SYNE2: variants seen among roughly 807,000 people sequenced by gnomAD.
SYNE2 encodes the protein nesprin-2.
SYNE2 carries 431 observed loss-of-function variants against 856.3 expected under a neutral mutation model. That is an observed-to-expected ratio of 0.50 (90% CI 0.47 to 0.55). The LOEUF (loss-of-function observed/expected upper bound fraction) is 0.55. SYNE2 is among the 20% of genes least tolerant of loss of function. The pLI is 0.00. For missense variants in SYNE2, 8,129 were observed against 8,023.2 expected, an observed-to-expected ratio of 1.01 and a Z score of -0.50; for synonymous variants, 2,923 against 2,872.3, an observed-to-expected ratio of 1.02 and a Z score of -0.56.
intron 46 of SYNE2, 62 bp from the exon 47 acceptor site, chr14:64,049,549 T>A: frequency 1.3e-6 from 2 of 1,557,808 alleles, no homozygotes; most frequent in Non-Finnish European, 8.8e-7. Context: ...GGAAAGAAGA[T>A]GAATGAATTA....
intron 96 of SYNE2, among the ~76,000 whole-genome samples, chr14:64,177,925 T>C (rs1422384342): frequency 1.3e-5 from 2 of 152,238 alleles, no homozygotes; most frequent in Non-Finnish European, 2.9e-5. Context: ...ATCCAAACTA[T>C]ATATTCTTCC....
intron 96 of SYNE2, among the ~76,000 whole-genome samples, chr14:64,183,503 C>G (rs2098472063): frequency 1.3e-5 from 2 of 152,272 alleles, no homozygotes; most frequent in East Asian, 1.9e-4. Flanking sequence ...TCCTCACTTC[C>G]CAGACAGGGT....
At chr14:64,076,410 T>C (rs1325186433) in intron 54 of SYNE2, among the ~76,000 whole-genome samples, 1 of 152,188 alleles carries the variant, frequency 6.6e-6, no homozygotes, top group Non-Finnish European at 1.5e-5. Flanking sequence ...GTACAACCAC[T>C]TGAACATTTT....
intron 70 of SYNE2, 37 bp from the exon 71 acceptor site, chr14:64,125,042 A>G (rs1206286358): frequency 6.2e-7 from 1 of 1,613,550 alleles, no homozygotes; most frequent in Admixed American, 1.7e-5. Flanking sequence ...AGCAGGGTCT[A>G]AAACTGTCAG....
In SYNE2 at chr14:64,186,478, A is replaced by G. The variant is rs1340411119; in HGVS notation, c.17611A>G (p.Met5871Val). The change falls in exon 97 of 116, where the codon ATG becomes GTG. Residue 5871 changes from methionine to valine, a missense_variant. By Grantham distance (21) the Met-to-Val change is conservative. Around this residue, in one of 3 missense-constraint regions of SYNE2, gnomAD observed 5,410 missense variants for 5,284.8 expected, o/e 1.02. Transcript: ENST00000555002. Reference sequence around the variant, plus strand: ...TCAGAACTTGAAAGAACTTCAAACTATGAAGGCGGACTTAACCCGGCACGT... The same window carrying G: ...TCAGAACTTGAAAGAACTTCAAACTGTGAAGGCGGACTTAACCCGGCACGT... ...WTQNLKELQTMKADLTRHVLV... is the reference protein window; with the variant it reads ...WTQNLKELQTVKADLTRHVLV... 1 of 1,614,270 alleles carries G rather than the reference A, an allele frequency of 6.2e-7. No homozygotes were observed. Among genetic ancestry groups the G allele is most frequent in the Non-Finnish European group, 8.5e-7 (1 of 1,180,050 alleles).
At chr14:64,080,307 G>C in intron 55 of SYNE2, 149 bp from the exon 56 acceptor site, 3 of 812,736 alleles carry the variant, frequency 3.7e-6, no homozygotes, top group Non-Finnish European at 6.2e-6. Flanking sequence ...ATCACAAATT[G>C]CTGGGTATAA....
intron 2 of SYNE2, among the ~76,000 whole-genome samples, chr14:63,931,119 G>A (rs961232389): frequency 2.0e-5 from 3 of 152,116 alleles, no homozygotes; most frequent in Non-Finnish European, 2.9e-5. Context: ...ATTGCTTAGC[G>A]TTAGGGAAAA....
intron 45 of SYNE2, among the ~76,000 whole-genome samples, chr14:64,037,567 A>C (rs571117770): frequency 3.3e-5 from 2 of 61,086 alleles, no homozygotes; most frequent in Non-Finnish European, 1.3e-4. Flanking sequence ...CGATTTCTCA[A>C]TCTTTTCCCC....
chr14:64,191,170 ATTAT>A (rs1447261436), intron 99 of SYNE2: 2 of 347,398 alleles, frequency 5.8e-6, no homozygotes, highest in South Asian at 7.2e-5. Context: ...AATTAAATTT[ATTAT>A]TTAAATTATT....
chr14:63,989,637 AT>A (rs1473910920), intron 19 of SYNE2, among the ~76,000 whole-genome samples: 2 of 147,578 alleles, frequency 1.4e-5, no homozygotes, highest in Non-Finnish European at 3.0e-5. Flanking sequence ...CGGCAGTTTT[AT>A]TTTATTTCAT....
chr14:64,210,080 G>A lies in SYNE2; in HGVS notation c.18679G>A (p.Asp6227Asn), dbSNP rs771135457. 3.1e-6 allele frequency: 5 copies of A among 1,614,084 alleles called. No homozygotes were observed. Among genetic ancestry groups the A allele is most frequent in the East Asian group, 4.5e-5 (2 of 44,880 alleles). ...QMVHEGNQRW[D>N]NLQRRVTAVL... ...GGTCCACGAGGGCAACCAGCGCTGGGACAACCTTCAGAGGCGGGTCACAGC... is the reference window on the plus strand; with the variant it reads ...GGTCCACGAGGGCAACCAGCGCTGGAACAACCTTCAGAGGCGGGTCACAGC... The change falls in exon 103 of 116, where the codon GAC becomes AAC. Residue 6227 changes from aspartate (D) to asparagine (N), a missense_variant. By Grantham distance (23) the Asp-to-Asn change is conservative (BLOSUM62 1). This residue lies in a region of SYNE2 where 5,410 missense variants were observed against 5,284.8 expected (regional missense o/e 1.02). Transcript: ENST00000555002.
At position 64,076,019 on chromosome 14, in the gene SYNE2, C is replaced by G; in HGVS notation, c.10941C>G (p.Ser3647=). 1 of 1,613,780 alleles carries G rather than the reference C, an allele frequency of 6.2e-7. No homozygotes were observed. Among genetic ancestry groups the G allele is most frequent in the African/African-American group, 1.3e-5 (1 of 74,962 alleles). The change falls in exon 54 of 116, where the codon TCC becomes TCG. Residue 3647 remains serine (S), a synonymous_variant. Transcript: ENST00000555002. The part of the protein sequence containing the change: ...NIMEKLRIKY[S]EMYTIVPAEI... ...TGGAAAAACTGCGAATCAAGTATTCCGAAATGTACACCATAGTCCCTGCAG... is the reference window on the plus strand; with the variant it reads ...TGGAAAAACTGCGAATCAAGTATTCGGAAATGTACACCATAGTCCCTGCAG...
intron 1 of SYNE2, among the ~76,000 whole-genome samples, chr14:63,789,527 A>G (rs1008786159): frequency 6.6e-6 from 1 of 152,192 alleles, no homozygotes; most frequent in African/African-American, 2.4e-5. Context: ...CAGACCTGCC[A>G]TCCTAGCACT....
rs779068110 is a variant in SYNE2, at chr14:64,120,902, C to G, written c.13024-25C>G. On this transcript the variant is annotated intron_variant, in intron 67 of 115. Coordinates refer to ENST00000555002, the MANE Select transcript of SYNE2 (RefSeq NM_182914.3). The stretch of plus-strand genomic sequence containing the variant: ...GGAGTTTATTTTTAAAAATAAATAG[C>G]CTGCCATTATGAAATGTTTTGCAGC... 4.3e-6 allele frequency: 7 copies of G among 1,612,964 alleles called. No individual in the cohort carries two copies. The Admixed American group carries it at 5.0e-5, about 12-fold the overall frequency.
rs1004441360 is a variant in SYNE2, at chr14:64,143,689, G to T, written c.15307-83G>T. 2.1e-6 allele frequency: 3 copies of T among 1,451,202 alleles called. No individual in the cohort carries two copies. The African/African-American group carries it at 4.2e-5, about 20-fold the overall frequency. The allele number at this position is 1,451,202 out of a possible 1,614,324, so 89.9% of individuals were successfully genotyped here. A position where few individuals can be genotyped will look rare whatever the true frequency, so the allele number is the denominator to read the frequency against. The stretch of plus-strand genomic sequence containing the variant: ...CTTGATTAATGGACGGGAGCTTGGT[G>T]CCCCCTCGAGCACATAAAGGGAAAT... On this transcript the variant is annotated intron_variant, in intron 82 of 115. Transcript: ENST00000555002.
chr14:63,844,534 C>CTTCT (rs1352080812), intron 1 of SYNE2, among the ~76,000 whole-genome samples: 1 of 151,992 alleles, frequency 6.6e-6, no homozygotes, highest in Non-Finnish European at 1.5e-5. Flanking sequence ...GGGTAAATAC[C>CTTCT]AAGGAGCAAG....
At chr14:64,018,764 C>T (rs1013754406) in intron 34 of SYNE2, among the ~76,000 whole-genome samples, 1 of 152,146 alleles carries the variant, frequency 6.6e-6, no homozygotes, top group Admixed American at 6.5e-5. Flanking sequence ...TTTTAGACGG[C>T]CTTCTTCATA....
chr14:64,001,269 T>C (rs2096752866), intron 28 of SYNE2, among the ~76,000 whole-genome samples: 1 of 152,244 alleles, frequency 6.6e-6, no homozygotes, highest in Admixed American at 6.5e-5. Context: ...ATTAAAATAA[T>C]TATGAGGTTT....
At chr14:63,940,700 T>C (rs1238638955) in intron 3 of SYNE2, 25 bp downstream of exon 3, 1 of 1,609,564 alleles carries the variant, frequency 6.2e-7, no homozygotes, top group Non-Finnish European at 8.5e-7. Flanking sequence ...ACCAAATTAG[T>C]TTATAAATCT....
Sources: allele counts gnomAD v4.1 joint callset (sites outside exome capture counted in the v4.1 genomes callset), GRCh38; gene constraint gnomAD v4.1.1; regional missense constraint gnomAD v4.1.1; transcripts MANE v1.5; gene names NCBI Gene and HGNC (gene_info 2026-07-23, HGNC 2026-07-21).